Variants in MAP3K5 observed in about 807,000 individuals in gnomAD.
The protein encoded by MAP3K5 is ASK-1.
Under a neutral mutation model 158.7 loss-of-function variants are expected in MAP3K5, and 56 were observed. The ratio of observed to expected loss-of-function variants is 0.35; its 90% confidence interval spans 0.28 to 0.44. MAP3K5 has a LOEUF of 0.44. Ranked by LOEUF, MAP3K5 falls within the 20% of genes least tolerant of loss-of-function variation. The pLI, the probability that MAP3K5 is intolerant of heterozygous loss-of-function variation, is 1.00. For synonymous variants in MAP3K5, 579 were observed against 601.7 expected, an observed-to-expected ratio of 0.96 and a Z score of 0.55; for missense variants, 1,294 against 1,674.8, an observed-to-expected ratio of 0.77 and a Z score of 3.97.
intron 14 of MAP3K5, among the ~76,000 whole-genome samples, chr6:136,636,022 G>A (rs1309603697): frequency 6.6e-6 from 1 of 152,114 alleles, no homozygotes; most frequent in Non-Finnish European, 1.5e-5. Context: ...CAATTAGACT[G>A]GTGAGCTATA....
At chr6:136,771,503 T>G (rs1198280386) in intron 1 of MAP3K5, among the ~76,000 whole-genome samples, 1 of 152,168 alleles carries the variant, frequency 6.6e-6, no homozygotes, top group African/African-American at 2.4e-5. Context: ...TCCATGGCAA[T>G]GACCTAGTGA....
intron 7 of MAP3K5, among the ~76,000 whole-genome samples, chr6:136,693,178 C>A (rs1780463790): frequency 6.6e-6 from 1 of 152,108 alleles, no homozygotes. Flanking sequence ...CCATCCTTTC[C>A]TTTACAGCTC....
intron 1 of MAP3K5, among the ~76,000 whole-genome samples, chr6:136,744,821 G>A (rs1014256519): frequency 4.6e-5 from 7 of 152,166 alleles, no homozygotes; most frequent in Admixed American, 3.3e-4. Flanking sequence ...AATTTACTTG[G>A]TCTGGGGTGT....
intron 2 of MAP3K5, among the ~76,000 whole-genome samples, chr6:136,710,016 A>T (rs1583458026): frequency 2.6e-5 from 4 of 152,370 alleles, no homozygotes; most frequent in Admixed American, 2.6e-4. Flanking sequence ...AGGGCTACAA[A>T]TCCTGTTCTC....
At chr6:136,769,390 T>C (rs1392127712) in intron 1 of MAP3K5, among the ~76,000 whole-genome samples, 2 of 152,096 alleles carry the variant, frequency 1.3e-5, no homozygotes, top group Non-Finnish European at 2.9e-5. Flanking sequence ...CAGGGTTTAT[T>C]TTTGAGGTGC....
At chr6:136,790,933 A>G (rs1785048131) in intron 1 of MAP3K5, among the ~76,000 whole-genome samples, 2 of 152,214 alleles carry the variant, frequency 1.3e-5, no homozygotes, top group South Asian at 4.1e-4. Context: ...TCTTTCATGG[A>G]TTATGCTAGC....
chr6:136,604,157 A>T (rs958045933), intron 19 of MAP3K5, among the ~76,000 whole-genome samples: 3 of 152,070 alleles, frequency 2.0e-5, no homozygotes, highest in Non-Finnish European at 2.9e-5. Flanking sequence ...CCCCGTCTGT[A>T]CTAAAATATA....
intron 26 of MAP3K5, among the ~76,000 whole-genome samples, chr6:136,563,215 A>G (rs1198684682): frequency 6.6e-6 from 1 of 152,112 alleles, no homozygotes; most frequent in East Asian, 1.9e-4. Context: ...GTCTGCCAAA[A>G]TCTTCAGAGA....
At chr6:136,559,747 T>C (rs1830425473) in intron 28 of MAP3K5, among the ~76,000 whole-genome samples, 3 of 152,188 alleles carry the variant, frequency 2.0e-5, no homozygotes. Context: ...TTGACCAGCC[T>C]AATCTCCAAC....
chr6:136,599,173 G>T (rs1430286330), intron 21 of MAP3K5, among the ~76,000 whole-genome samples: 1 of 148,982 alleles, frequency 6.7e-6, no homozygotes, highest in African/African-American at 2.4e-5. Context: ...AAAAAAGGGG[G>T]GGGGGGCGTG....
chr6:136,742,992 G>T (rs1280994747), intron 1 of MAP3K5, among the ~76,000 whole-genome samples: 1 of 151,940 alleles, frequency 6.6e-6, no homozygotes. Flanking sequence ...CAGGAGTCAT[G>T]GTAGAAGGAC....
chr6:136,790,525 C>T (rs1377126882), intron 1 of MAP3K5, among the ~76,000 whole-genome samples: 1 of 152,154 alleles, frequency 6.6e-6, no homozygotes, highest in Non-Finnish European at 1.5e-5. Flanking sequence ...AATACCAGAA[C>T]GAGAAAGTCC....
intron 14 of MAP3K5, among the ~76,000 whole-genome samples, chr6:136,623,902 A>T (rs1233490144): frequency 6.6e-6 from 1 of 152,176 alleles, no homozygotes; most frequent in Non-Finnish European, 1.5e-5. Context: ...ATTAAAAAAA[A>T]TTATTTCTGG....
At chr6:136,752,330 T>G (rs1783248073) in intron 1 of MAP3K5, among the ~76,000 whole-genome samples, 1 of 152,110 alleles carries the variant, frequency 6.6e-6, no homozygotes, top group African/African-American at 2.4e-5. Context: ...AACAACACAG[T>G]CAGAGAGCCC....
intron 25 of MAP3K5, chr6:136,579,855 T>C (rs142005333): frequency 3.6e-4 from 165 of 456,776 alleles, no homozygotes; most frequent in African/African-American, 2.8e-3. Context: ...AGATTCTTAT[T>C]TGGCTTCAGA....
intron 2 of MAP3K5, among the ~76,000 whole-genome samples, chr6:136,715,978 C>T (rs554356087): frequency 4.0e-5 from 5 of 124,710 alleles, no homozygotes; most frequent in African/African-American, 9.2e-5. Flanking sequence ...TGCAGTGAGC[C>T]GGGATAGCAC....
intron 18 of MAP3K5, among the ~76,000 whole-genome samples, chr6:136,606,127 C>T (rs1231995578): frequency 3.3e-5 from 5 of 152,132 alleles, no homozygotes; most frequent in Non-Finnish European, 4.4e-5. Flanking sequence ...CCAAGGCAGA[C>T]GGATCACGAG....
intron 2 of MAP3K5, among the ~76,000 whole-genome samples, chr6:136,706,683 C>T (rs1733363598): frequency 6.6e-6 from 1 of 152,024 alleles, no homozygotes; most frequent in Non-Finnish European, 1.5e-5. Context: ...TCATCTTCAG[C>T]CCAGGACCAG....
rs770254886 is a variant in MAP3K5, at chr6:136,672,575, T to C, written c.1254-3180A>G. Among the ~76,000 whole-genome samples the C allele has an allele frequency of 5.7e-4, 86 of 152,170 alleles. No homozygotes were observed. The Middle Eastern group carries it at 0.01, about 18-fold the overall frequency. On this transcript the variant is annotated intron_variant, in intron 7 of 29. Transcript: ENST00000359015. Reference sequence around the variant, plus strand: ...CACAGGACATTCGTTGAATGCTGAGTTGTACAGGAGGCTAGGGTGTGGAGT... The same window carrying C: ...CACAGGACATTCGTTGAATGCTGAGCTGTACAGGAGGCTAGGGTGTGGAGT...
Sources: allele counts gnomAD v4.1 joint callset (sites outside exome capture counted in the v4.1 genomes callset), GRCh38; gene constraint gnomAD v4.1.1; transcripts MANE v1.5; gene names NCBI Gene and HGNC (gene_info 2026-07-23, HGNC 2026-07-21).